The following UGT2A3 variants were observed in gnomAD, a reference collection of about 807,000 sequenced individuals.
The protein encoded by UGT2A3 is UDP-glucuronosyltransferase 2A3.
UGT2A3 carries 55 observed loss-of-function variants against 44.1 expected under a neutral mutation model. That is an observed-to-expected ratio of 1.25 (90% CI 1.00 to 1.56). The LOEUF (loss-of-function observed/expected upper bound fraction) is 1.56. UGT2A3 is among the 40% of genes most tolerant of loss of function. The pLI is 0.00. For synonymous variants in UGT2A3, 243 were observed against 215.1 expected (o/e 1.13, Z -1.13); for missense variants, 733 against 621.6 (o/e 1.18, Z -1.91).
intron 1 of UGT2A3, among the ~76,000 whole-genome samples, chr4:68,950,274 T>C (rs1718532387): frequency 6.6e-6 from 1 of 151,926 alleles, no homozygotes; most frequent in African/African-American, 2.4e-5. Flanking sequence ...TGGGATCCTC[T>C]GAATATTAGT....
chr4:68,935,668 C>A (rs1717924329), intron 2 of UGT2A3, among the ~76,000 whole-genome samples: 1 of 152,036 alleles, frequency 6.6e-6, no homozygotes, highest in Non-Finnish European at 1.5e-5. Context: ...CAAAGGATTG[C>A]AGCTCCTCAC....
chr4:68,943,365 C>A (rs1034266145), intron 2 of UGT2A3: 27 of 1,252,858 alleles, frequency 2.2e-5, no homozygotes, highest in Non-Finnish European at 2.7e-5. Flanking sequence ...GCTTGGTTTT[C>A]TGGTATAACT....
intron 1 of UGT2A3, 54 bp downstream of exon 1, chr4:68,950,992 T>A: frequency 7.7e-7 from 1 of 1,304,866 alleles, no homozygotes; most frequent in Non-Finnish European, 1.0e-6. Context: ...TATGACAATT[T>A]TTAAAAATAT....
chr4:68,951,079 G>C lies in UGT2A3; in HGVS notation c.682C>G (p.His228Asp), dbSNP rs371911179. 7 of 1,596,046 alleles carry C rather than the reference G, an allele frequency of 4.4e-6. No individual in the cohort carries two copies. The African/African-American group carries it at 8.1e-5, about 19-fold the overall frequency. The change falls in exon 1 of 6, where the codon CAT becomes GAT. Residue 228 changes from histidine to aspartate, a missense_variant. Physicochemically the swap from His to Asp is moderately conservative, Grantham distance 81. Coordinates refer to ENST00000251566, the MANE Select transcript of UGT2A3 (RefSeq NM_024743.4). The stretch of plus-strand genomic sequence containing the variant: ...TTACTATAAAACTCTTCCCAAAAAT[G>C]ATAGTCGTAATCCTGAATCCAGAAG... Reference protein sequence around the residue: ...FHFWIQDYDYHFWEEFYSKAL... With the variant: ...FHFWIQDYDYDFWEEFYSKAL...
chr4:68,940,093 G>T (rs1361395098), intron 2 of UGT2A3, among the ~76,000 whole-genome samples: 1 of 152,194 alleles, frequency 6.6e-6, no homozygotes, highest in Non-Finnish European at 1.5e-5. Flanking sequence ...TTTTTACACT[G>T]TTGGTGGGAA....
At chr4:68,938,007 C>A (rs1718020614) in intron 2 of UGT2A3, among the ~76,000 whole-genome samples, 1 of 151,832 alleles carries the variant, frequency 6.6e-6, no homozygotes, top group Admixed American at 6.6e-5. Context: ...AAGACTAAAT[C>A]AAGAAAAATT....
Position 68,930,757 on chromosome 4 carries a change from T to C in UGT2A3, c.1093A>G (p.Lys365Glu), listed in dbSNP as rs746861275. 3 of 1,592,022 alleles carry C rather than the reference T, an allele frequency of 1.9e-6. No homozygotes were observed. Among genetic ancestry groups the C allele is most frequent in the Admixed American group, 1.8e-5 (1 of 54,986 alleles). Residue 365 changes from lysine (K) to glutamate (E), a missense_variant, in exon 5 of 6, where the codon AAA becomes GAA. Transcript: ENST00000251566. ...IPQNDLLGHP[K>E]TKAFITHGGM... ...CCATGAGTGATAAAAGCTTTGGTTT[T>C]GGGATGACCTAGTATGTAAATTGGA...
intron 2 of UGT2A3, 85 bp downstream of exon 2, chr4:68,945,221 C>A: frequency 6.7e-7 from 1 of 1,502,304 alleles, no homozygotes; most frequent in East Asian, 2.3e-5. Flanking sequence ...TCAACATCAT[C>A]CTTCTATAAC....
chr4:68,933,704 T>TATCA (rs1033816920), intron 2 of UGT2A3, among the ~76,000 whole-genome samples: 1 of 152,022 alleles, frequency 6.6e-6, no homozygotes, highest in African/African-American at 2.4e-5. Context: ...CAGAAACAAC[T>TATCA]ATCAGGTTAG....
In UGT2A3 at chr4:68,951,038, T is replaced by C. The variant is rs762796472; in HGVS notation, c.715+8A>G. The C allele has an allele frequency of 3.3e-6, 5 of 1,501,820 alleles. No homozygotes were observed. Among genetic ancestry groups the C allele is most frequent in the Non-Finnish European group, 4.5e-6 (5 of 1,121,872 alleles). 93.0% of individuals were successfully genotyped at this position (1,501,820 alleles called of 1,614,324 possible). On this transcript the variant is annotated splice_region_variant and intron_variant, in intron 1 of 5. Coordinates refer to ENST00000251566, the MANE Select transcript of UGT2A3 (RefSeq NM_024743.4). Reference sequence around the variant, plus strand: ...AACTAAATTAAAAATAAAACAAAAGTGTCTTACCTAATGCCTTACTATAAA... The same window carrying C: ...AACTAAATTAAAAATAAAACAAAAGCGTCTTACCTAATGCCTTACTATAAA...
At chr4:68,930,894 A>C (rs1717710854) in intron 4 of UGT2A3, 129 bp from the exon 5 acceptor site, 3 of 834,632 alleles carry the variant, frequency 3.6e-6, no homozygotes, top group African/African-American at 3.4e-5. Flanking sequence ...GAAGGTGAGC[A>C]CATGGAGCAT....
At chr4:68,945,955 A>C (rs530716433) in intron 1 of UGT2A3, among the ~76,000 whole-genome samples, 2 of 151,682 alleles carry the variant, frequency 1.3e-5, no homozygotes, top group East Asian at 3.9e-4. Flanking sequence ...TAATCCCACC[A>C]GGATCAGTTC....
Position 68,951,641 on chromosome 4 carries a change from C to T in UGT2A3, c.120G>A (p.Lys40=). The T allele has an allele frequency of 6.2e-7, 1 of 1,612,644 alleles. No individual in the cohort carries two copies. Residue 40 remains lysine (K), a synonymous_variant, in exon 1 of 6, where the codon AAG becomes AAA. Transcript: ENST00000251566. ...PCDMSHWLNV[K]VILEELIVRG... Reference sequence around the variant, plus strand: ...TCACTATGAGCTCTTCTAGAATGACCTTGACATTAAGCCAATGGCTCATGT... The same window carrying T: ...TCACTATGAGCTCTTCTAGAATGACTTTGACATTAAGCCAATGGCTCATGT...
chr4:68,946,841 A>C (rs549832700), intron 1 of UGT2A3, among the ~76,000 whole-genome samples: 1 of 151,764 alleles, frequency 6.6e-6, no homozygotes, highest in Non-Finnish European at 1.5e-5. Context: ...GTCCCAGGAC[A>C]TATAAAAGTT....
Position 68,932,700 on chromosome 4 carries a change from C to A in UGT2A3, c.924G>T (p.Gly308=). 2 of 1,611,792 alleles carry A rather than the reference C, an allele frequency of 1.2e-6. No homozygotes were observed. Among genetic ancestry groups the A allele is most frequent in the Non-Finnish European group, 1.7e-6 (2 of 1,178,680 alleles). Reference sequence around the variant, plus strand: ...CTTCTGTAACATTTTGAAACAGTGACCCCAGAGAAAACACCACAATACCAT... The same window carrying A: ...CTTCTGTAACATTTTGAAACAGTGAACCCAGAGAAAACACCACAATACCAT... The part of the protein sequence containing the change: ...GEDGIVVFSL[G]SLFQNVTEEK... Residue 308 remains glycine, a synonymous_variant, in exon 3 of 6, where the codon GGG becomes GGT. Transcript: ENST00000251566.
At chr4:68,933,430 A>G (rs1458651672) in intron 2 of UGT2A3, among the ~76,000 whole-genome samples, 1 of 152,056 alleles carries the variant, frequency 6.6e-6, no homozygotes, top group African/African-American at 2.4e-5. Context: ...GAAGCCTTCT[A>G]TGTTCCATCC....
intron 2 of UGT2A3, among the ~76,000 whole-genome samples, chr4:68,944,643 T>A (rs908241946): frequency 1.3e-5 from 2 of 151,816 alleles, no homozygotes; most frequent in Non-Finnish European, 1.5e-5. Context: ...ACTATCGATA[T>A]TTAGATTTCT....
At chr4:68,939,401 T>G (rs1331593063) in intron 2 of UGT2A3, among the ~76,000 whole-genome samples, 2 of 152,120 alleles carry the variant, frequency 1.3e-5, no homozygotes, top group Non-Finnish European at 2.9e-5. Context: ...ACTACACATC[T>G]CTAACCATGT....
rs139971385 is a variant in UGT2A3 at position 68,930,458 on chromosome 4, A to T, written c.1304+88T>A. On this transcript the variant is annotated intron_variant, in intron 5 of 5. Transcript: ENST00000251566. ...ATATTGTGGAGTAAAATCCCTCAAC[A>T]TGTCTACCAGGATGATATTTAACAT... The T allele has an allele frequency of 1.2e-3, 1,514 of 1,246,962 alleles. 11 individuals are homozygous for T. Among genetic ancestry groups the T allele is most frequent in the East Asian group, 0.011 (464 of 42,162 alleles). 77.2% of individuals were successfully genotyped at this position (1,246,962 alleles called of 1,614,324 possible). A position where few individuals can be genotyped will look rare whatever the true frequency, so the allele number is the denominator to read the frequency against.
Sources: gnomAD v4.1 joint callset for allele counts (sites outside exome capture counted in the v4.1 genomes callset) on GRCh38, gnomAD v4.1.1 for gene constraint, MANE v1.5 for transcripts, NCBI Gene and HGNC (gene_info 2026-07-23, HGNC 2026-07-21) for gene names.